Variants in SCMH1 observed in about 807,000 individuals in gnomAD.
SCMH1 encodes the protein Scm polycomb group protein homolog 1.
A neutral mutation model predicts 70.8 loss-of-function variants in SCMH1; 37 were observed. The observed-to-expected ratio is 0.52, with a 90% CI of 0.40 to 0.69. SCMH1 has a LOEUF of 0.69. Ranked by LOEUF, SCMH1 falls within the 30% of genes least tolerant of loss-of-function variation. The probability of loss-of-function intolerance (pLI) is 0.00; values close to 1 mark genes in which losing one functional copy is unlikely to be tolerated. For synonymous variants in SCMH1, 292 were observed against 307.4 expected (o/e 0.95, Z 0.52); for missense variants, 607 against 827.3 (o/e 0.73, Z 3.27).
chr1:41,212,073 T>C (rs558953902), intron 1 of SCMH1, among the ~76,000 whole-genome samples: 9 of 152,148 alleles, frequency 5.9e-5, no homozygotes, highest in African/African-American at 2.2e-4. Flanking sequence ...GTAAATGAGT[T>C]GATGGGTGCA....
intron 11 of SCMH1, among the ~76,000 whole-genome samples, chr1:41,047,070 G>T (rs1646960179): frequency 6.6e-6 from 1 of 152,146 alleles, no homozygotes; most frequent in Admixed American, 6.5e-5. Context: ...GCAACATTTG[G>T]AACTGTTTCA....
intron 10 of SCMH1, among the ~76,000 whole-genome samples, chr1:41,061,629 T>A (rs1652688794): frequency 6.6e-6 from 1 of 152,302 alleles, no homozygotes; most frequent in Non-Finnish European, 1.5e-5. Context: ...ACTATTATAG[T>A]TGGAGACTTC....
In SCMH1 at chr1:41,231,093, G is replaced by A. The variant is rs935953897; in HGVS notation, c.-118+10966C>T. Among the ~76,000 whole-genome samples the A allele has an allele frequency of 9.2e-5, 14 of 152,262 alleles. 1 individual carries two copies. The highest frequency in any genetic ancestry group is 1.2e-4 in the Non-Finnish European group (8 of 68,018). ...TATATACCATGTTAAGAGGTTGGCC[G>A]TCTTTATAATATGCTATGAGACAGC... On this transcript the variant is annotated intron_variant, in intron 1 of 14. Transcript: ENST00000337495.
At chr1:41,037,098 TA>T (rs751349422) in intron 13 of SCMH1, among the ~76,000 whole-genome samples, 3 of 150,400 alleles carry the variant, frequency 2.0e-5, no homozygotes, top group Non-Finnish European at 2.9e-5. Context: ...AATAAATAGT[TA>T]ATGGATGAAT....
intron 5 of SCMH1, among the ~76,000 whole-genome samples, chr1:41,148,995 G>A (rs1644832265): frequency 6.6e-6 from 1 of 152,064 alleles, no homozygotes; most frequent in Admixed American, 6.5e-5. Flanking sequence ...GTTTCACCGT[G>A]TTAGCCAGGA....
chr1:41,096,389 C>A (rs1304355017), intron 8 of SCMH1, among the ~76,000 whole-genome samples: 2 of 152,198 alleles, frequency 1.3e-5, no homozygotes, highest in African/African-American at 4.8e-5. Context: ...TACTTCATTT[C>A]TCTGCATTGT....
intron 12 of SCMH1, among the ~76,000 whole-genome samples, chr1:41,038,669 A>C (rs1269236305): frequency 6.6e-6 from 1 of 152,184 alleles, no homozygotes; most frequent in Non-Finnish European, 1.5e-5. Flanking sequence ...CAAGGAGGCT[A>C]ATTGTTGAAA....
At chr1:41,108,596 T>C (rs1668565408) in intron 8 of SCMH1, among the ~76,000 whole-genome samples, 1 of 152,380 alleles carries the variant, frequency 6.6e-6, no homozygotes, top group African/African-American at 2.4e-5. Context: ...CGCTTGGTAG[T>C]TACTACCCAT....
intron 4 of SCMH1, among the ~76,000 whole-genome samples, chr1:41,153,037 T>C (rs1294120175): frequency 2.0e-5 from 3 of 152,270 alleles, no homozygotes; most frequent in Non-Finnish European, 4.4e-5. Context: ...AGTTTGCTTC[T>C]AGTTGACAGG....
chr1:41,144,574 T>C (rs1466211299), intron 5 of SCMH1, among the ~76,000 whole-genome samples: 1 of 152,184 alleles, frequency 6.6e-6, no homozygotes, highest in Non-Finnish European at 1.5e-5. Context: ...ATTTATGGTA[T>C]ATTTTTCTGT....
At chr1:41,186,619 AACC>A (rs1557770416) in intron 1 of SCMH1, among the ~76,000 whole-genome samples, 1 of 152,166 alleles carries the variant, frequency 6.6e-6, no homozygotes, top group Non-Finnish European at 1.5e-5. Flanking sequence ...TTAAAGCCCT[AACC>A]CCCAATGTGA....
At chr1:41,048,811 A>G in exon 11 of SCMH1, 2 of 1,614,236 alleles carry the variant, frequency 1.2e-6, no homozygotes, top group Non-Finnish European at 1.7e-6. Context: ...GGGCTGGTCC[A>G]AAATGGTCAG....
intron 1 of SCMH1, among the ~76,000 whole-genome samples, chr1:41,228,169 G>T (rs960581006): frequency 6.6e-6 from 1 of 152,160 alleles, no homozygotes; most frequent in Admixed American, 6.5e-5. Flanking sequence ...TGTGCCAGTG[G>T]TTGTTTGTAA....
At chr1:41,041,099 G>A (rs1397706322) in intron 12 of SCMH1, among the ~76,000 whole-genome samples, 2 of 151,808 alleles carry the variant, frequency 1.3e-5, no homozygotes, top group African/African-American at 4.8e-5. Flanking sequence ...TCATAACCGA[G>A]CTTTCCCCTT....
At chr1:41,225,557 T>C (rs534233983) in intron 1 of SCMH1, among the ~76,000 whole-genome samples, 25 of 152,252 alleles carry the variant, frequency 1.6e-4, no homozygotes, top group African/African-American at 5.8e-4. Context: ...GTAGTTACCA[T>C]AGGTATGTTA....
chr1:41,188,664 G>A (rs1328285583), intron 1 of SCMH1, among the ~76,000 whole-genome samples: 1 of 152,120 alleles, frequency 6.6e-6, no homozygotes, highest in East Asian at 1.9e-4. Context: ...GGCTATGGTA[G>A]TATCCTTTCA....
intron 5 of SCMH1, among the ~76,000 whole-genome samples, chr1:41,145,658 G>C (rs1644484828): frequency 6.6e-6 from 1 of 152,188 alleles, no homozygotes; most frequent in East Asian, 1.9e-4. Flanking sequence ...AATGCTGTCA[G>C]TTATGTGATT....
In SCMH1 at chr1:41,139,610, T is replaced by C. The variant is rs192492104; in HGVS notation, c.412+3268A>G. ...GTAGTGCAAGAATAACACACTACAGTGTAAGAATGAAGAGCATCTCCATGT... is the reference window on the plus strand; with the variant it reads ...GTAGTGCAAGAATAACACACTACAGCGTAAGAATGAAGAGCATCTCCATGT... On this transcript the variant is annotated intron_variant, in intron 6 of 14. Transcript: ENST00000337495. Among the ~76,000 whole-genome samples the C allele has an allele frequency of 1.9e-4, 29 of 152,232 alleles. No individual in the cohort carries two copies. The East Asian group carries it at 4.8e-3, about 25-fold the overall frequency.
intron 1 of SCMH1, among the ~76,000 whole-genome samples, chr1:41,241,177 G>A (rs1663434557): frequency 6.6e-6 from 1 of 152,202 alleles, no homozygotes; most frequent in East Asian, 1.9e-4. Context: ...TCAAATTATC[G>A]GGGGGATTTG....
Sources: gnomAD v4.1 joint callset for allele counts (sites outside exome capture counted in the v4.1 genomes callset) on GRCh38, gnomAD v4.1.1 for gene constraint, MANE v1.5 for transcripts, NCBI Gene and HGNC (gene_info 2026-07-23, HGNC 2026-07-21) for gene names.